Variants in JPT1 observed in about 807,000 individuals in gnomAD.
JPT1 encodes the protein androgen-regulated protein 2.
JPT1 carries 5 observed loss-of-function variants against 17.0 expected under a neutral mutation model. That is an observed-to-expected ratio of 0.29 (90% CI 0.15 to 0.62). The LOEUF is 0.62. Ranked by LOEUF, JPT1 falls within the 20% of genes least tolerant of loss-of-function variation. The pLI, the probability that JPT1 is intolerant of heterozygous loss-of-function variation, is 0.85. For missense variants in JPT1, 158 were observed against 188.1 expected, an observed-to-expected ratio of 0.84 and a Z score of 0.94; for synonymous variants, 71 against 73.6, an observed-to-expected ratio of 0.96 and a Z score of 0.18.
chr17:75,143,537 CA>C, intron 4 of JPT1, among the ~76,000 whole-genome samples: 1 of 150,122 alleles, frequency 6.7e-6, no homozygotes, highest in African/African-American at 2.5e-5. Context: ...CCAGCCTGGG[CA>C]AAAAGTGTGA....
intron 4 of JPT1, among the ~76,000 whole-genome samples, chr17:75,144,542 T>G (rs180813107): frequency 8.5e-5 from 13 of 152,194 alleles, no homozygotes; most frequent in African/African-American, 2.6e-4. Flanking sequence ...TATCATATAT[T>G]CATAATGAAC....
chr17:75,154,288 G>C (rs1372199246), intron 1 of JPT1, 54 bp downstream of exon 1: 1 of 1,401,616 alleles, frequency 7.1e-7, no homozygotes, highest in African/African-American at 1.5e-5. Flanking sequence ...CGCCGGCAGC[G>C]GCCCTCCCAG....
At chr17:75,139,763 A>G (rs1293160090) in intron 4 of JPT1, among the ~76,000 whole-genome samples, 2 of 151,896 alleles carry the variant, frequency 1.3e-5, no homozygotes, top group Non-Finnish European at 1.5e-5. Context: ...GTTTGAAGTG[A>G]GCCAAGATCG....
chr17:75,136,069 C>G lies in JPT1; in HGVS notation c.*33G>C, dbSNP rs770998162. On this transcript the variant is annotated 3_prime_UTR_variant, in exon 5 of 5. Coordinates refer to ENST00000409753, the MANE Select transcript of JPT1 (RefSeq NM_016185.4). ...GTGCAGTTCACAAGCATGGAGGAAACAGACAGAACGACAGCGTTCAGGACA... is the reference window on the plus strand; with the variant it reads ...GTGCAGTTCACAAGCATGGAGGAAAGAGACAGAACGACAGCGTTCAGGACA... The G allele has an allele frequency of 1.9e-6, 3 of 1,613,812 alleles. No individual in the cohort carries two copies. The highest frequency in any genetic ancestry group is 2.5e-6 in the Non-Finnish European group (3 of 1,179,886).
At position 75,138,953 on chromosome 17, in the gene JPT1, A is replaced by G. The variant is rs116319283; in HGVS notation, c.317-2703T>C. Reference sequence around the variant, plus strand: ...ATACTATTTAACTACAAGCAAAAATAGAGTATGAAGCTTTTCAGAATGACA... The same window carrying G: ...ATACTATTTAACTACAAGCAAAAATGGAGTATGAAGCTTTTCAGAATGACA... On this transcript the variant is annotated intron_variant, in intron 4 of 4. Transcript: ENST00000409753. Among the ~76,000 whole-genome samples, 915 of 152,306 alleles carry G rather than the reference A, an allele frequency of 6.0e-3. 8 individuals carry two copies. Among genetic ancestry groups the G allele is most frequent in the African/African-American group, 0.021 (872 of 41,558 alleles).
At chr17:75,152,331 C>T (rs1460858763) in intron 1 of JPT1, among the ~76,000 whole-genome samples, 1 of 152,064 alleles carries the variant, frequency 6.6e-6, no homozygotes, top group African/African-American at 2.4e-5. Context: ...CTCTTAAAAT[C>T]CTGAAGTTTC....
At chr17:75,141,578 G>C (rs934691448) in intron 4 of JPT1, among the ~76,000 whole-genome samples, 3 of 151,908 alleles carry the variant, frequency 2.0e-5, no homozygotes, top group African/African-American at 7.3e-5. Flanking sequence ...ACTTGAACCC[G>C]GGAGGCGGAG....
chr17:75,148,764 C>G (rs1351200868), intron 1 of JPT1, 93 bp from the exon 2 acceptor site: 1 of 1,395,288 alleles, frequency 7.2e-7, no homozygotes, highest in Non-Finnish European at 9.9e-7. Flanking sequence ...CTTTCCTCAC[C>G]CATTCATCTC....
intron 4 of JPT1, among the ~76,000 whole-genome samples, chr17:75,144,042 T>C (rs1283504074): frequency 7.7e-6 from 1 of 129,544 alleles, no homozygotes; most frequent in East Asian, 2.0e-4. Context: ...CCCAGAAGGA[T>C]GGATTCTGAG....
chr17:75,146,258 A>G (rs1486903685), intron 4 of JPT1, among the ~76,000 whole-genome samples: 1 of 152,140 alleles, frequency 6.6e-6, no homozygotes, highest in Non-Finnish European at 1.5e-5. Context: ...AGCTCAAGCA[A>G]TCCTCCCACC....
chr17:75,143,316 T>C (rs972464178), intron 4 of JPT1, among the ~76,000 whole-genome samples: 1 of 152,134 alleles, frequency 6.6e-6, no homozygotes, highest in African/African-American at 2.4e-5. Flanking sequence ...TCCCAGCACT[T>C]TGGAAAGCCA....
chr17:75,142,328 G>C (rs2074329771), intron 4 of JPT1, among the ~76,000 whole-genome samples: 1 of 151,198 alleles, frequency 6.6e-6, no homozygotes, highest in Non-Finnish European at 1.5e-5. Context: ...GGGAGGCCAA[G>C]GCAGGTGGAT....
At chr17:75,146,634 G>A in intron 4 of JPT1, 32 bp downstream of exon 4, 1 of 1,510,858 alleles carries the variant, frequency 6.6e-7, no homozygotes, top group Non-Finnish European at 9.0e-7. Context: ...ACCATGGACA[G>A]AGCCAGAAAT....
At chr17:75,137,663 C>A (rs1158563948) in intron 4 of JPT1, among the ~76,000 whole-genome samples, 1 of 150,124 alleles carries the variant, frequency 6.7e-6, no homozygotes, top group Non-Finnish European at 1.5e-5. Context: ...GCCACCTTCA[C>A]CCTTCACACA....
rs765241507 is a variant in JPT1 at position 75,147,670 on chromosome 17, A to G, written c.200-17T>C. 5 of 1,588,112 alleles carry G rather than the reference A, an allele frequency of 3.1e-6. No individual in the cohort carries two copies. The Admixed American group carries it at 6.7e-5, about 21-fold the overall frequency. ...ACTTGGCACCTAAAAATCAAAATAT[A>G]CTTTCTTCAGAAATACAATAGAAAA... On this transcript the variant is annotated splice_polypyrimidine_tract_variant and intron_variant, in intron 2 of 4. Coordinates refer to ENST00000409753, the MANE Select transcript of JPT1 (RefSeq NM_016185.4).
chr17:75,139,496 G>A (rs1423114361), intron 4 of JPT1, among the ~76,000 whole-genome samples: 2 of 152,026 alleles, frequency 1.3e-5, no homozygotes, highest in African/African-American at 4.8e-5. Context: ...CACCTATGGA[G>A]ACTAAACAAG....
Position 75,136,091 on chromosome 17 carries a change from G to C in JPT1, c.*11C>G, listed in dbSNP as rs755532299. The C allele has an allele frequency of 2.5e-6, 4 of 1,614,218 alleles. No individual in the cohort carries two copies. The highest frequency in any genetic ancestry group is 2.5e-6 in the Non-Finnish European group (3 of 1,180,034). ...AAACAGACAGAACGACAGCGTTCAG[G>C]ACAGTCAGAGCTAACCCAAGACGAG... On this transcript the variant is annotated 3_prime_UTR_variant, in exon 5 of 5. Transcript: ENST00000409753.
intron 1 of JPT1, among the ~76,000 whole-genome samples, chr17:75,152,699 C>T (rs2074573094): frequency 6.6e-6 from 1 of 152,214 alleles, no homozygotes; most frequent in Admixed American, 6.5e-5. Context: ...CCAGATTACA[C>T]ATTATCATTC....
chr17:75,139,330 C>T (rs1222389825), intron 4 of JPT1, among the ~76,000 whole-genome samples: 1 of 152,184 alleles, frequency 6.6e-6, no homozygotes, highest in Non-Finnish European at 1.5e-5. Flanking sequence ...AATTATCTTG[C>T]AGTCCTGCCA....
Sources: gnomAD v4.1 joint callset for allele counts (sites outside exome capture counted in the v4.1 genomes callset) on GRCh38, gnomAD v4.1.1 for gene constraint, MANE v1.5 for transcripts, NCBI Gene and HGNC (gene_info 2026-07-23, HGNC 2026-07-21) for gene names.